The following DMD variants were observed in gnomAD, a reference collection of about 807,000 sequenced individuals.
DMD encodes the protein mutant dystrophin.
A neutral mutation model predicts 330.1 loss-of-function variants in DMD; 63 were observed. The ratio of observed to expected loss-of-function variants is 0.19; its 90% CI spans 0.16 to 0.24. DMD has a LOEUF of 0.24. Among genes scored for constraint, DMD ranks in the 10% least tolerant of loss-of-function variants. DMD has a pLI of 1.00. For synonymous variants in DMD, 1,223 were observed against 959.8 expected (o/e 1.27, Z -5.07); for missense variants, 3,344 against 2,684.1 (o/e 1.25, Z -5.43).
intron 55 of DMD, among the ~76,000 whole-genome samples, chrX:31,523,290 T>C (rs1215305434): frequency 9.0e-6 from 1 of 111,070 alleles, no homozygotes; most frequent in African/African-American, 3.3e-5. Context: ...GAAATATTTA[T>C]AAACACAAAA....
chrX:31,276,213 C>A (rs749640955), intron 62 of DMD, among the ~76,000 whole-genome samples: 1 of 111,235 alleles, frequency 9.0e-6, no homozygotes, highest in Non-Finnish European at 1.9e-5. Flanking sequence ...CCTGCCACCA[C>A]GCCCGGCTAA....
intron 44 of DMD, among the ~76,000 whole-genome samples, chrX:32,124,578 T>C (rs2096652766): frequency 8.9e-6 from 1 of 112,461 alleles, no homozygotes; most frequent in African/African-American, 3.2e-5. Flanking sequence ...ATCAATTCAA[T>C]AAATTTCTCT....
At chrX:31,689,568 C>T (rs2082959248) in intron 52 of DMD, among the ~76,000 whole-genome samples, 1 of 111,412 alleles carries the variant, frequency 9.0e-6, no homozygotes, top group East Asian at 2.8e-4. Flanking sequence ...AGATTCAATG[C>T]CATCCCCATC....
At chrX:31,651,629 C>G (rs2080458629) in intron 54 of DMD, among the ~76,000 whole-genome samples, 1 of 111,261 alleles carries the variant, frequency 9.0e-6, no homozygotes, top group African/African-American at 3.3e-5. Flanking sequence ...GGAGCCTTCC[C>G]CATCTCAGTA....
intron 45 of DMD, among the ~76,000 whole-genome samples, chrX:31,967,511 T>A (rs1334925883): frequency 9.2e-6 from 1 of 108,649 alleles, no homozygotes; most frequent in African/African-American, 3.3e-5. Context: ...AAGATATTCA[T>A]CAATGAGTTG....
intron 64 of DMD, among the ~76,000 whole-genome samples, chrX:31,221,313 G>A (rs1485611470): frequency 1.8e-5 from 2 of 111,886 alleles, no homozygotes; most frequent in Non-Finnish European, 3.8e-5. Context: ...TCTGCTTCCT[G>A]CTTCTCTCTC....
At chrX:32,393,177 C>T (rs902162251) in intron 30 of DMD, among the ~76,000 whole-genome samples, 5 of 111,652 alleles carry the variant, frequency 4.5e-5, no homozygotes, top group African/African-American at 1.6e-4. Flanking sequence ...ACCTTTCTCT[C>T]TCATTTGTTT....
At chrX:33,251,683 T>A (rs2052774276) in intron 1 of DMD, among the ~76,000 whole-genome samples, 1 of 112,305 alleles carries the variant, frequency 8.9e-6, no homozygotes, top group African/African-American at 3.2e-5. Flanking sequence ...TCTAGTTTTT[T>A]AATATAATGG....
intron 1 of DMD, among the ~76,000 whole-genome samples, chrX:33,061,845 G>A (rs1231003421): frequency 9.0e-6 from 1 of 111,569 alleles, no homozygotes; most frequent in Non-Finnish European, 1.9e-5. Flanking sequence ...TTCAGCTACA[G>A]GTTTAGAGCT....
At chrX:32,445,760 T>A (rs141367115) in intron 27 of DMD, among the ~76,000 whole-genome samples, 3 of 110,597 alleles carry the variant, frequency 2.7e-5, no homozygotes, top group Non-Finnish European at 5.7e-5. Context: ...AAGGAATACA[T>A]AGAATTAATC....
intron 55 of DMD, among the ~76,000 whole-genome samples, chrX:31,538,227 C>T (rs923036574): frequency 2.7e-5 from 3 of 112,033 alleles, no homozygotes; most frequent in African/African-American, 9.7e-5. Context: ...ATGTGGTGTG[C>T]CTGCATTTTC....
At chrX:32,259,109 T>C (rs2097311297) in intron 43 of DMD, among the ~76,000 whole-genome samples, 1 of 110,573 alleles carries the variant, frequency 9.0e-6, no homozygotes, top group South Asian at 3.8e-4. Context: ...AGGATACACT[T>C]AAGATAACAT....
At chrX:31,457,678 T>C (rs181635429) in intron 59 of DMD, among the ~76,000 whole-genome samples, 1 of 112,139 alleles carries the variant, frequency 8.9e-6, no homozygotes, top group East Asian at 2.8e-4. Context: ...TAATGATTAA[T>C]AGAGGAATCT....
chrX:31,141,629 C>T (rs750314909), intron 76 of DMD, among the ~76,000 whole-genome samples: 1 of 74,185 alleles, frequency 1.3e-5, no homozygotes, highest in Admixed American at 1.5e-4. Flanking sequence ...GGTGGTGGAA[C>T]ATAGCTAAGG....
chrX:33,205,225 GATT>G (rs1172864574), intron 1 of DMD, among the ~76,000 whole-genome samples: 6 of 112,423 alleles, frequency 5.3e-5, no homozygotes, highest in Admixed American at 4.7e-4. Context: ...CATTTTTACA[GATT>G]ATTATTTTTT....
chrX:31,936,076 C>T (rs1481127044), intron 45 of DMD, among the ~76,000 whole-genome samples: 5 of 110,688 alleles, frequency 4.5e-5, no homozygotes, highest in African/African-American at 1.6e-4. Context: ...TCATTAATTA[C>T]GCTTTAAAAA....
At position 33,211,339 on chromosome X, in the gene DMD, A is replaced by G. The variant is rs796673373; in HGVS notation, c.-27T>C. 3 of 1,206,110 alleles carry G rather than the reference A, an allele frequency of 2.5e-6. No individual in the cohort carries two copies. The highest frequency in any genetic ancestry group is 3.4e-6 in the Non-Finnish European group (3 of 891,999). ...TTGAAAAGTGTATATCAAGGCAGCG[A>G]TAAAAAAAACCTGGTAAAAGTTCTT... On this transcript the variant is annotated 5_prime_UTR_variant, in exon 1 of 79. Coordinates refer to ENST00000357033, the MANE Select transcript of DMD (RefSeq NM_004006.3).
intron 50 of DMD, among the ~76,000 whole-genome samples, chrX:31,811,555 A>G (rs573703387): frequency 1.8e-5 from 2 of 112,219 alleles, no homozygotes; most frequent in South Asian, 3.7e-4. Flanking sequence ...AAGGCCTTGC[A>G]GTATCTTGGG....
chrX:31,467,159 T>C (rs1378312331), intron 59 of DMD, among the ~76,000 whole-genome samples: 1 of 111,455 alleles, frequency 9.0e-6, no homozygotes, highest in Non-Finnish European at 1.9e-5. Flanking sequence ...CCTTTATTTC[T>C]TTCCCTTGCC....
Sources: allele counts gnomAD v4.1 joint callset (sites outside exome capture counted in the v4.1 genomes callset), GRCh38; gene constraint gnomAD v4.1.1; transcripts MANE v1.5; gene names NCBI Gene and HGNC (gene_info 2026-07-23, HGNC 2026-07-21).